POLB: variants seen among roughly 807,000 people sequenced by gnomAD.
POLB encodes 5'-dRP lyase.
In POLB, 37 loss-of-function variants were observed where a neutral mutation model predicts 52.7. The ratio of observed to expected loss-of-function variants is 0.70; its 90% CI spans 0.54 to 0.92. POLB has a LOEUF of 0.92. Ranked by LOEUF, POLB falls within the 40% of genes least tolerant of loss-of-function variation. The pLI is 0.00. For synonymous variants in POLB, 138 were observed against 131.3 expected (o/e 1.05, Z -0.35); for missense variants, 313 against 400.8 (o/e 0.78, Z 1.87).
At chr8:42,369,658 T>A (rs1165088611) in intron 12 of POLB, 191 bp from the exon 13 acceptor site, 4 of 524,668 alleles carry the variant, frequency 7.6e-6, no homozygotes, top group African/African-American at 1.9e-5. Flanking sequence ...AGAACAAAGT[T>A]CACAGAAACC....
chr8:42,357,997 T>G (rs567242944), intron 9 of POLB: 7 of 152,084 alleles, frequency 4.6e-5, no homozygotes, highest in African/African-American at 1.7e-4. Flanking sequence ...AGTGCTGGGA[T>G]TACAGGCGTG....
intron 6 of POLB, among the ~76,000 whole-genome samples, chr8:42,355,025 T>G (rs915361991): frequency 1.3e-5 from 2 of 152,002 alleles, no homozygotes; most frequent in African/African-American, 4.8e-5. Flanking sequence ...TTGGTGTGAT[T>G]CTGTTTTTTT....
At chr8:42,351,305 T>G (rs1822966925) in intron 5 of POLB, among the ~76,000 whole-genome samples, 1 of 152,266 alleles carries the variant, frequency 6.6e-6, no homozygotes, top group Non-Finnish European at 1.5e-5. Context: ...TCTTCTATGC[T>G]GCATTGCCTT....
intron 6 of POLB, among the ~76,000 whole-genome samples, chr8:42,354,244 T>C (rs535796573): frequency 2.0e-5 from 3 of 152,348 alleles, no homozygotes; most frequent in East Asian, 3.9e-4. Context: ...TCGTATACTT[T>C]AGCGTTTTCT....
chr8:42,344,924 T>C (rs1321044806), intron 2 of POLB, 29 bp from the exon 3 acceptor site: 1 of 1,402,800 alleles, frequency 7.1e-7, no homozygotes, highest in African/African-American at 1.4e-5. Flanking sequence ...GGATTTCTAA[T>C]TGGTTTTCCT....
intron 2 of POLB, among the ~76,000 whole-genome samples, chr8:42,344,685 C>T (rs1469051166): frequency 6.6e-6 from 1 of 150,862 alleles, no homozygotes; most frequent in African/African-American, 2.4e-5. Context: ...TACAAGAAGG[C>T]GCGCCTGTAG....
chr8:42,365,899 A>G lies in POLB; in HGVS notation c.708+3201A>G, dbSNP rs3136786. ...TGAATCACCTGAGGTCAGGAGTTCA[A>G]GACCAGCCTGGCCAACATGGTGAAA... On this transcript the variant is annotated intron_variant, in intron 11 of 13. Transcript: ENST00000265421. Among the ~76,000 whole-genome samples the G allele has an allele frequency of 2.3e-3, 355 of 152,214 alleles. 1 individual carries two copies. The highest frequency in any genetic ancestry group is 6.8e-3 in the Middle Eastern group (2 of 294).
intron 6 of POLB, 111 bp downstream of exon 6, chr8:42,352,679 A>G: frequency 1.4e-6 from 1 of 724,766 alleles, no homozygotes; most frequent in Non-Finnish European, 2.5e-6. Flanking sequence ...TAGATACAAA[A>G]GATAAGATTT....
chr8:42,361,656 A>G (rs936702184), intron 10 of POLB: 1 of 243,172 alleles, frequency 4.1e-6, no homozygotes, highest in African/African-American at 2.2e-5. Flanking sequence ...TACTATAATC[A>G]GATTTTCATT....
chr8:42,364,871 C>T (rs184967537), intron 11 of POLB, among the ~76,000 whole-genome samples: 1 of 152,112 alleles, frequency 6.6e-6, no homozygotes, highest in East Asian at 1.9e-4. Context: ...AGATGGATGG[C>T]GGTGATGGTT....
intron 2 of POLB, chr8:42,339,704 C>T (rs1822074611): frequency 6.6e-6 from 1 of 152,112 alleles, no homozygotes; most frequent in African/African-American, 2.4e-5. Flanking sequence ...CGCACGCCAC[C>T]ACACCCAGCT....
intron 3 of POLB, among the ~76,000 whole-genome samples, chr8:42,347,510 CT>C (rs1228539339): frequency 6.6e-6 from 1 of 151,666 alleles, no homozygotes. Flanking sequence ...CTTAGATTAT[CT>C]AATCTGTTAC....
rs3817667 is a variant in POLB, at chr8:42,349,936, T to C, written c.262-71T>C. 4 of 1,026,338 alleles carry C rather than the reference T, an allele frequency of 3.9e-6. No individual in the cohort carries two copies. In the East Asian group the frequency reaches 9.5e-5, roughly 24 times the overall value. The allele number at this position is 1,026,338 out of a possible 1,614,324, so 63.6% of individuals were successfully genotyped here. A position where few individuals can be genotyped will look rare whatever the true frequency, so the allele number is the denominator to read the frequency against. On this transcript the variant is annotated intron_variant, in intron 4 of 13. Transcript: ENST00000265421. The stretch of plus-strand genomic sequence containing the variant: ...CTTCATGTCTTTTAGCAGACTGGTA[T>C]GTTTCCAATAAGATCATTTAAGTCC...
Position 42,349,015 on chromosome 8 carries a change from G to T in POLB, c.187-1G>T. 1.3e-6 allele frequency: 2 copies of T among 1,566,372 alleles called. No individual in the cohort carries two copies. Among genetic ancestry groups the T allele is most frequent in the South Asian group, 1.1e-5 (1 of 89,332 alleles). On this transcript the variant is annotated splice_acceptor_variant, in intron 3 of 13. Transcript: ENST00000265421. LOFTEE classifies it high-confidence loss of function. Reference sequence around the variant, plus strand: ...TTTTATATTTCTAATTTTCCATGTAGCCTGGAGTAGGAACAAAAATTGCTG... The same window carrying T: ...TTTTATATTTCTAATTTTCCATGTATCCTGGAGTAGGAACAAAAATTGCTG...
chr8:42,356,089 T>C (rs1470361109), intron 7 of POLB, among the ~76,000 whole-genome samples: 3 of 152,244 alleles, frequency 2.0e-5, no homozygotes, highest in Non-Finnish European at 2.9e-5. Flanking sequence ...CCAGATATAG[T>C]CTGGGAACCC....
At chr8:42,357,623 T>C in intron 9 of POLB, 1 of 428,716 alleles carries the variant, frequency 2.3e-6, no homozygotes, top group South Asian at 5.7e-5. Flanking sequence ...CGACGTTTAT[T>C]AAATGACTTT....
chr8:42,356,238 A>G (rs961853220), intron 7 of POLB, among the ~76,000 whole-genome samples: 15 of 152,096 alleles, frequency 9.9e-5, no homozygotes, highest in Non-Finnish European at 1.6e-4. Flanking sequence ...TTAAACTTAT[A>G]CTCCCATTCC....
At chr8:42,370,130 A>G (rs944288996) in intron 13 of POLB, 142 bp downstream of exon 13, 5 of 725,444 alleles carry the variant, frequency 6.9e-6, no homozygotes, top group Non-Finnish European at 1.2e-5. Context: ...AGGCAACGAG[A>G]GAGGATTTAA....
chr8:42,351,190 C>G (rs544981833), intron 5 of POLB, among the ~76,000 whole-genome samples: 1 of 152,006 alleles, frequency 6.6e-6, no homozygotes, highest in Non-Finnish European at 1.5e-5. Flanking sequence ...CATCTATTAT[C>G]CTTTTTTTCT....
Sources: gnomAD v4.1 joint callset for allele counts (sites outside exome capture counted in the v4.1 genomes callset) on GRCh38, gnomAD v4.1.1 for gene constraint, MANE v1.5 for transcripts, NCBI Gene and HGNC (gene_info 2026-07-23, HGNC 2026-07-21) for gene names.